RPS6KA2: variants seen among roughly 807,000 people sequenced by gnomAD.
RPS6KA2 encodes ribosomal protein S6 kinase alpha-2.
In RPS6KA2, 42 loss-of-function variants were observed where a neutral mutation model predicts 91.8. That is an observed-to-expected ratio of 0.46 (90% CI 0.36 to 0.59). RPS6KA2 has a LOEUF of 0.59. Among genes scored for constraint, RPS6KA2 ranks in the 20% least tolerant of loss-of-function variants. The pLI is 0.00. For synonymous variants in RPS6KA2, 414 were observed against 393.6 expected, an observed-to-expected ratio of 1.05 and a Z score of -0.61; for missense variants, 798 against 978.5, an observed-to-expected ratio of 0.82 and a Z score of 2.46.
In RPS6KA2 at chr6:166,419,609, TG is replaced by T. The variant is rs561236527; in HGVS notation, c.1820+272del. Reference sequence around the variant, plus strand: ...ACAGTGGCAGGTGCAGCAGAGAGAATGGGGACTATGCTGGCAAAAGACTTGA... The same window carrying T: ...ACAGTGGCAGGTGCAGCAGAGAGAATGGGACTATGCTGGCAAAAGACTTGA... On this transcript the variant is annotated intron_variant, in intron 18 of 20. Coordinates refer to ENST00000265678, the MANE Select transcript of RPS6KA2 (RefSeq NM_021135.6). The surrounding 1 kb of genome is among the most constrained non-coding windows in gnomAD (Gnocchi z 5.6). Among the ~76,000 whole-genome samples, 1 of 152,312 alleles carries T rather than the reference TG, an allele frequency of 6.6e-6. No homozygotes were observed. Among genetic ancestry groups the T allele is most frequent in the South Asian group, 2.1e-4 (1 of 4,826 alleles).
chr6:166,559,356 ATT>A (rs2128504816), intron 1 of RPS6KA2, among the ~76,000 whole-genome samples: 1 of 152,336 alleles, frequency 6.6e-6, no homozygotes, highest in South Asian at 2.1e-4. Flanking sequence ...TGACATACGA[ATT>A]TTGTCAGTGT....
intron 2 of RPS6KA2, among the ~76,000 whole-genome samples, chr6:166,751,273 T>A (rs1446636780): frequency 2.0e-5 from 3 of 152,360 alleles, no homozygotes; most frequent in African/African-American, 7.2e-5. Context: ...CAGCGCCCTC[T>A]GGCCAGGTGC....
chr6:166,704,139 C>A (rs1356800151), intron 2 of RPS6KA2, among the ~76,000 whole-genome samples: 3 of 152,188 alleles, frequency 2.0e-5, no homozygotes. Context: ...CAAATTAGGA[C>A]AAGTTCAACA....
chr6:166,805,130 A>C (rs527508702), intron 2 of RPS6KA2, among the ~76,000 whole-genome samples: 11 of 152,326 alleles, frequency 7.2e-5, no homozygotes, highest in African/African-American at 2.4e-4. Context: ...GGATGTCTCG[A>C]ATGATAAATT....
Position 166,672,346 on chromosome 6 carries a change from T to C in RPS6KA2, c.124-133562A>G, listed in dbSNP as rs117964108. ...AGAGAAGGAAAGCCGGCAGATACTA[T>C]TCATCTGCTAGATTCACAGCAGATA... On this transcript the variant is annotated intron_variant, in intron 2 of 21. Transcript: ENST00000503859. 5.7e-3 allele frequency among the ~76,000 whole-genome samples: 870 copies of C among 152,242 alleles called. 19 individuals carry two copies. In the South Asian group the frequency reaches 0.073, roughly 13 times the overall value.
At chr6:166,696,189 C>T (rs894721931) in intron 2 of RPS6KA2, among the ~76,000 whole-genome samples, 1 of 152,162 alleles carries the variant, frequency 6.6e-6, no homozygotes, top group Non-Finnish European at 1.5e-5. Flanking sequence ...CTCCAGGAAA[C>T]AGCAGGATGT....
chr6:166,827,028 T>G (rs1583159293), intron 2 of RPS6KA2, among the ~76,000 whole-genome samples: 1 of 151,328 alleles, frequency 6.6e-6, no homozygotes, highest in Non-Finnish European at 1.5e-5. Flanking sequence ...GAGGTGGGGG[T>G]ATGGGGAGAC....
intron 10 of RPS6KA2, among the ~76,000 whole-genome samples, chr6:166,488,322 C>T (rs1781479345): frequency 6.6e-6 from 1 of 152,150 alleles, no homozygotes; most frequent in Non-Finnish European, 1.5e-5. Context: ...GCTCCTGCTG[C>T]TGTCTGACTC....
intron 12 of RPS6KA2, among the ~76,000 whole-genome samples, chr6:166,455,122 C>A (rs141071274): frequency 1.2e-4 from 18 of 152,224 alleles, no homozygotes; most frequent in Admixed American, 7.8e-4. Flanking sequence ...CTTCTTCCCC[C>A]CCTCGTCTGT....
intron 14 of RPS6KA2, among the ~76,000 whole-genome samples, chr6:166,438,286 T>C (rs768896549): frequency 6.6e-6 from 1 of 152,340 alleles, no homozygotes; most frequent in Non-Finnish European, 1.5e-5. Flanking sequence ...TTTTTTTGGT[T>C]GGCAAATTAC....
intron 1 of RPS6KA2, among the ~76,000 whole-genome samples, chr6:166,561,949 C>T (rs1784358012): frequency 6.6e-6 from 1 of 152,112 alleles, no homozygotes; most frequent in Non-Finnish European, 1.5e-5. Flanking sequence ...ACTGAGCACG[C>T]ATATGTCAGG....
chr6:166,720,230 C>T (rs1790134861), intron 2 of RPS6KA2, among the ~76,000 whole-genome samples: 1 of 152,112 alleles, frequency 6.6e-6, no homozygotes. Context: ...CCCTATACAA[C>T]AATAACTACC....
intron 2 of RPS6KA2, among the ~76,000 whole-genome samples, chr6:166,775,771 A>G (rs1400707583): frequency 2.0e-5 from 3 of 152,260 alleles, no homozygotes; most frequent in African/African-American, 4.8e-5. Flanking sequence ...ACACAGACAC[A>G]TGACGATGCT....
intron 1 of RPS6KA2, among the ~76,000 whole-genome samples, chr6:166,550,799 G>A (rs541112265): frequency 1.4e-4 from 22 of 151,980 alleles, no homozygotes; most frequent in South Asian, 4.1e-4. Flanking sequence ...TCAGGAGATC[G>A]ACACCATCCT....
chr6:166,505,081 T>C (rs558338855), intron 5 of RPS6KA2, among the ~76,000 whole-genome samples: 2 of 152,258 alleles, frequency 1.3e-5, no homozygotes, highest in East Asian at 3.9e-4. Flanking sequence ...ACTCCTTGGG[T>C]TGATGCAAAC....
At chr6:166,620,501 A>T (rs907541004) in intron 1 of RPS6KA2, among the ~76,000 whole-genome samples, 1 of 152,236 alleles carries the variant, frequency 6.6e-6, no homozygotes, top group Non-Finnish European at 1.5e-5. Context: ...AAATGACAGC[A>T]TCAAAGATTA....
chr6:166,690,081 A>G (rs1370121364), intron 2 of RPS6KA2, among the ~76,000 whole-genome samples: 1 of 152,100 alleles, frequency 6.6e-6, no homozygotes, highest in African/African-American at 2.4e-5. Flanking sequence ...GGAGCCCTGG[A>G]GGTGGCCTGT....
chr6:166,645,621 G>A (rs1048307480), intron 2 of RPS6KA2, among the ~76,000 whole-genome samples: 1 of 152,174 alleles, frequency 6.6e-6, no homozygotes, highest in Non-Finnish European at 1.5e-5. Flanking sequence ...CCATGCTCAC[G>A]GGAATGTGCC....
intron 2 of RPS6KA2, among the ~76,000 whole-genome samples, chr6:166,850,524 A>C (rs1307095600): frequency 3.3e-5 from 5 of 152,162 alleles, no homozygotes; most frequent in Non-Finnish European, 7.4e-5. Flanking sequence ...ATTTTTGTGC[A>C]CTCATAAAGA....
Sources: allele counts gnomAD v4.1 joint callset (sites outside exome capture counted in the v4.1 genomes callset), GRCh38; gene constraint gnomAD v4.1.1; non-coding constraint Gnocchi (gnomAD v3.1); transcripts MANE v1.5; gene names NCBI Gene and HGNC (gene_info 2026-07-23, HGNC 2026-07-21).